TSPEAR: variants seen among roughly 807,000 people sequenced by gnomAD.
TSPEAR encodes thrombospondin type laminin G domain and EAR repeats.
TSPEAR carries 69 observed loss-of-function variants against 71.6 expected under a neutral mutation model. That is an observed-to-expected ratio of 0.96 (90% CI 0.79 to 1.18). The LOEUF is 1.18. Ranked by LOEUF, TSPEAR falls within the 50% of genes most tolerant of loss-of-function variation. The probability of loss-of-function intolerance (pLI) is 0.00; values close to 1 mark genes in which losing one functional copy is unlikely to be tolerated. For synonymous variants in TSPEAR, 402 were observed against 387.2 expected, an observed-to-expected ratio of 1.04 and a Z score of -0.45; for missense variants, 971 against 894.9, an observed-to-expected ratio of 1.09 and a Z score of -1.09.
intron 1 of TSPEAR, among the ~76,000 whole-genome samples, chr21:44,584,679 G>A (rs1555925512): frequency 6.6e-6 from 1 of 152,068 alleles, no homozygotes; most frequent in African/African-American, 2.4e-5. Context: ...TATATTAGAG[G>A]AATCCAGAAG....
Position 44,539,600 on chromosome 21 carries a change from C to T in TSPEAR, c.304-5677G>A, listed in dbSNP as rs368412664. 145 of 1,613,462 alleles carry T rather than the reference C, an allele frequency of 9.0e-5. No homozygotes were observed. In the African/African-American group the frequency reaches 1.3e-3, roughly 15 times the overall value. On this transcript the variant is annotated intron_variant, in intron 2 of 11. Coordinates refer to ENST00000323084, the MANE Select transcript of TSPEAR (RefSeq NM_144991.3). ...GACAGGCTTGCAACGGACGGGCACG[C>T]AGCAGGCCTGCTGGCAGGGGGAGGA...
At chr21:44,515,656 G>A (rs1317451945) in intron 9 of TSPEAR, 2 of 152,040 alleles carry the variant, frequency 1.3e-5, no homozygotes, top group Non-Finnish European at 2.9e-5. Flanking sequence ...GTAGATCAAA[G>A]CTGGCCTTCA....
intron 1 of TSPEAR, among the ~76,000 whole-genome samples, chr21:44,648,201 G>A (rs1984554933): frequency 6.6e-6 from 1 of 152,208 alleles, no homozygotes; most frequent in Admixed American, 6.5e-5. Context: ...AGGAGACACA[G>A]AGCAAAAAGA....
In TSPEAR at chr21:44,620,530, A is replaced by G. The variant is rs148643911; in HGVS notation, c.83-52525T>C. ...GGTCAGTAGTGATGTTCCCATTTTC[A>G]TTTACGATTTTAGTTATTTGAATCT... On this transcript the variant is annotated intron_variant, in intron 1 of 11. Transcript: ENST00000323084. Among the ~76,000 whole-genome samples, 11 of 152,196 alleles carry G rather than the reference A, an allele frequency of 7.2e-5. No homozygotes were observed. The East Asian group carries it at 1.9e-3, about 27-fold the overall frequency.
At chr21:44,521,699 G>A (rs1043341209) in intron 9 of TSPEAR, among the ~76,000 whole-genome samples, 184 bp downstream of exon 9, 1 of 152,224 alleles carries the variant, frequency 6.6e-6, no homozygotes, top group South Asian at 2.1e-4. Context: ...GGGCTCAGAC[G>A]CCAGGCAAGG....
At chr21:44,621,697 C>T (rs1200886083) in intron 1 of TSPEAR, among the ~76,000 whole-genome samples, 5 of 152,244 alleles carry the variant, frequency 3.3e-5, no homozygotes, top group Admixed American at 3.3e-4. Context: ...GGTATTATTT[C>T]TCTCCCAGTT....
intron 1 of TSPEAR, chr21:44,574,529 G>T (rs1555923439): frequency 3.1e-6 from 5 of 1,609,758 alleles, no homozygotes; most frequent in East Asian, 2.2e-5. Flanking sequence ...CTAGCTGCCA[G>T]CCGGCTTGCT....
At chr21:44,658,685 A>G (rs782211304) in intron 1 of TSPEAR, among the ~76,000 whole-genome samples, 1 of 152,076 alleles carries the variant, frequency 6.6e-6, no homozygotes, top group Non-Finnish European at 1.5e-5. Flanking sequence ...AGTGGCCTGA[A>G]GGTTCTGTCC....
intron 2 of TSPEAR, chr21:44,540,327 A>G (rs2053197196): frequency 1.5e-5 from 16 of 1,057,868 alleles, no homozygotes; most frequent in Non-Finnish European, 2.0e-5. Context: ...GGTTGCTGAG[A>G]GGTGGCGTGT....
intron 1 of TSPEAR, among the ~76,000 whole-genome samples, chr21:44,573,302 G>T (rs1283022477): frequency 6.6e-6 from 1 of 151,126 alleles, no homozygotes; most frequent in East Asian, 2.0e-4. Context: ...ACTCCCCATA[G>T]CCTGGCACAC....
intron 1 of TSPEAR, among the ~76,000 whole-genome samples, chr21:44,709,108 C>T (rs1345483305): frequency 6.6e-6 from 1 of 152,202 alleles, no homozygotes; most frequent in African/African-American, 2.4e-5. Context: ...CCCAGCCTCC[C>T]ACCCAGCCCC....
At chr21:44,512,004 G>A (rs1438957529) in intron 9 of TSPEAR, among the ~76,000 whole-genome samples, 1 of 152,252 alleles carries the variant, frequency 6.6e-6, no homozygotes, top group Non-Finnish European at 1.5e-5. Context: ...CCGGGGCCTT[G>A]GGGGCACAGA....
At chr21:44,680,001 C>G (rs1555947668) in intron 1 of TSPEAR, among the ~76,000 whole-genome samples, 2 of 152,118 alleles carry the variant, frequency 1.3e-5, no homozygotes, top group African/African-American at 4.8e-5. Context: ...GCTAAGACTA[C>G]AAAAACACAG....
intron 2 of TSPEAR, among the ~76,000 whole-genome samples, chr21:44,534,741 A>C (rs587613729): frequency 1.3e-5 from 2 of 152,358 alleles, no homozygotes; most frequent in African/African-American, 4.8e-5. Flanking sequence ...TTCCTCAAAA[A>C]GTTATAAACA....
chr21:44,588,358 TC>T (rs1332493744), intron 1 of TSPEAR, among the ~76,000 whole-genome samples: 10 of 152,112 alleles, frequency 6.6e-5, no homozygotes, highest in African/African-American at 1.9e-4. Context: ...ATGGCCATCA[TC>T]AAAAAATCAA....
intron 1 of TSPEAR, among the ~76,000 whole-genome samples, chr21:44,709,798 G>A (rs1030429728): frequency 6.6e-6 from 1 of 152,260 alleles, no homozygotes; most frequent in Non-Finnish European, 1.5e-5. Flanking sequence ...AAACGGAATG[G>A]AACCAAGGTG....
At chr21:44,676,552 TCTTGA>T (rs1986321882) in intron 1 of TSPEAR, 2 of 734,086 alleles carry the variant, frequency 2.7e-6, no homozygotes. Flanking sequence ...GTGAACTTGC[TCTTGA>T]CTTAGATGAT....
At chr21:44,682,626 T>C (rs1326071812) in intron 1 of TSPEAR, among the ~76,000 whole-genome samples, 2 of 152,208 alleles carry the variant, frequency 1.3e-5, no homozygotes, top group African/African-American at 4.8e-5. Context: ...AGTTGAGATT[T>C]AGGAGATGCT....
Position 44,603,880 on chromosome 21 carries a change from C to A in TSPEAR, c.83-35875G>T, listed in dbSNP as rs182501697. ...GAGAAAATACTGACAATCTTGAATG[C>A]AGCAAAATGCACACAAAAGCATAAG... On this transcript the variant is annotated intron_variant, in intron 1 of 11. Coordinates refer to ENST00000323084, the MANE Select transcript of TSPEAR (RefSeq NM_144991.3). Among the ~76,000 whole-genome samples the A allele has an allele frequency of 2.1e-3, 321 of 152,302 alleles. 7 individuals are homozygous for A. The highest frequency in any genetic ancestry group is 2.6e-4 in the Non-Finnish European group (18 of 68,032).
Sources: gnomAD v4.1 joint callset for allele counts (sites outside exome capture counted in the v4.1 genomes callset) on GRCh38, gnomAD v4.1.1 for gene constraint, MANE v1.5 for transcripts, NCBI Gene and HGNC (gene_info 2026-07-23, HGNC 2026-07-21) for gene names.